SEPTIN14: variants seen among roughly 807,000 people sequenced by gnomAD.
SEPTIN14 encodes the protein septin-14.
Under a neutral mutation model 53.6 loss-of-function variants are expected in SEPTIN14, and 40 were observed. The ratio of observed to expected loss-of-function variants is 0.75; its 90% CI spans 0.58 to 0.97. SEPTIN14 has a LOEUF of 0.97. Among genes scored for constraint, SEPTIN14 ranks in the 50% least tolerant of loss-of-function variants. The pLI is 0.00. For synonymous variants in SEPTIN14, 138 were observed against 166.8 expected, an observed-to-expected ratio of 0.83 and a Z score of 1.33; for missense variants, 471 against 508.2, an observed-to-expected ratio of 0.93 and a Z score of 0.70.
intron 9 of SEPTIN14, among the ~76,000 whole-genome samples, chr7:55,803,827 G>C (rs1386058586): frequency 6.6e-6 from 1 of 151,874 alleles, no homozygotes; most frequent in African/African-American, 2.4e-5. Flanking sequence ...CCTAGTTTTG[G>C]TTTAAGTCTT....
intron 2 of SEPTIN14, among the ~76,000 whole-genome samples, chr7:55,850,154 T>C (rs1789494332): frequency 6.6e-6 from 1 of 152,182 alleles, no homozygotes; most frequent in Admixed American, 6.6e-5. Flanking sequence ...ATGTATTTTA[T>C]GAAACCAGAT....
chr7:55,809,421 T>C (rs896861032), intron 7 of SEPTIN14, among the ~76,000 whole-genome samples: 1 of 149,698 alleles, frequency 6.7e-6, no homozygotes, highest in Non-Finnish European at 1.5e-5. Context: ...AATGGCACGA[T>C]CTCGGCTCAC....
At chr7:55,855,578 C>G (rs1327159418) in intron 2 of SEPTIN14, among the ~76,000 whole-genome samples, 1 of 152,026 alleles carries the variant, frequency 6.6e-6, no homozygotes, top group African/African-American at 2.4e-5. Flanking sequence ...CTTTTTGAGA[C>G]AGAGTGTCGC....
chr7:55,831,845 A>G (rs145985877), intron 6 of SEPTIN14, among the ~76,000 whole-genome samples: 95 of 152,322 alleles, frequency 6.2e-4, no homozygotes, highest in African/African-American at 2.2e-3. Context: ...AAGACATACA[A>G]GTGGCCACCA....
At chr7:55,813,040 C>A (rs1173175098) in intron 7 of SEPTIN14, among the ~76,000 whole-genome samples, 1 of 151,910 alleles carries the variant, frequency 6.6e-6, no homozygotes, top group African/African-American at 2.4e-5. Context: ...ACCTCCACTT[C>A]GCAGGTTCAA....
rs1220079612 is a variant in SEPTIN14, at chr7:55,834,879, T to TCGTGATCCGCCTGCCCC, written c.559-310_559-294dup. On this transcript the variant is annotated intron_variant, in intron 5 of 9. Transcript: ENST00000388975. ...CCAGGATGGTCTCAATCTCCTGACC[T>TCGTGATCCGCCTGCCCC]CGTGATCCGCCTGCCCCGGCCTCCC... Among the ~76,000 whole-genome samples, 8 of 152,224 alleles carry TCGTGATCCGCCTGCCCC rather than the reference T, an allele frequency of 5.3e-5. No homozygotes were observed. In the South Asian group the frequency reaches 8.3e-4, roughly 16 times the overall value.
At chr7:55,799,263 T>C (rs1788483986) in intron 9 of SEPTIN14, among the ~76,000 whole-genome samples, 1 of 150,964 alleles carries the variant, frequency 6.6e-6, no homozygotes, top group Non-Finnish European at 1.5e-5. Flanking sequence ...CCCAGCACTT[T>C]GGGAGGCCAA....
intron 6 of SEPTIN14, among the ~76,000 whole-genome samples, chr7:55,819,450 A>G (rs1214838466): frequency 2.0e-5 from 3 of 152,012 alleles, no homozygotes; most frequent in Admixed American, 1.3e-4. Flanking sequence ...TTAGCCGGGC[A>G]TGGTGGCGGG....
intron 7 of SEPTIN14, among the ~76,000 whole-genome samples, chr7:55,810,068 G>A (rs539060908): frequency 2.6e-5 from 4 of 152,018 alleles, no homozygotes; most frequent in East Asian, 1.9e-4. Context: ...TCCTGACCTC[G>A]TGATCCACCT....
At chr7:55,834,397 C>G in intron 6 of SEPTIN14, 28 bp downstream of exon 6, 2 of 1,569,464 alleles carry the variant, frequency 1.3e-6, no homozygotes, top group Non-Finnish European at 1.7e-6. Flanking sequence ...TTTCTAGCCT[C>G]TTTGTCAGAT....
chr7:55,800,272 A>G (rs1227970813), intron 9 of SEPTIN14, among the ~76,000 whole-genome samples: 1 of 152,210 alleles, frequency 6.6e-6, no homozygotes, highest in Non-Finnish European at 1.5e-5. Context: ...GAAATAAGCC[A>G]GGCACAGAAT....
At chr7:55,844,771 G>T in intron 3 of SEPTIN14, 53 bp from the exon 4 acceptor site, 1 of 924,488 alleles carries the variant, frequency 1.1e-6, no homozygotes, top group Non-Finnish European at 1.5e-6. Context: ...CTAAGAAAAA[G>T]CAACACTTTG....
intron 2 of SEPTIN14, among the ~76,000 whole-genome samples, chr7:55,855,374 G>A (rs1226130915): frequency 1.3e-5 from 2 of 152,030 alleles, no homozygotes; most frequent in African/African-American, 2.4e-5. Flanking sequence ...TTCCAGAATC[G>A]AAGGAGAGAC....
At chr7:55,800,308 C>T (rs1353221456) in intron 9 of SEPTIN14, among the ~76,000 whole-genome samples, 6 of 152,254 alleles carry the variant, frequency 3.9e-5, no homozygotes, top group Non-Finnish European at 8.8e-5. Flanking sequence ...TTCTCACTTA[C>T]TTGTGGGAGC....
chr7:55,825,479 C>T (rs1342241805), intron 6 of SEPTIN14, among the ~76,000 whole-genome samples: 1 of 152,162 alleles, frequency 6.6e-6, no homozygotes, highest in Non-Finnish European at 1.5e-5. Flanking sequence ...ACAATGAAGA[C>T]TGTTGTCAGA....
intron 2 of SEPTIN14, among the ~76,000 whole-genome samples, chr7:55,861,595 A>T (rs996136322): frequency 6.6e-6 from 1 of 152,200 alleles, no homozygotes; most frequent in Admixed American, 6.6e-5. Flanking sequence ...TCATTAAAAA[A>T]TTATTTATTG....
chr7:55,837,109 CT>C (rs36026647), intron 5 of SEPTIN14, among the ~76,000 whole-genome samples: 537 of 140,838 alleles, frequency 3.8e-3, no homozygotes, highest in African/African-American at 4.1e-3. Flanking sequence ...TACTTTTAAC[CT>C]TTTTTTTTTT....
rs548439415 is a variant in SEPTIN14 at position 55,846,308 on chromosome 7, T to C, written c.175+209A>G. ...AGGCGGCTGAGGCTACAGTGAGCCA[T>C]AATCACACCATTGCACTCCAGCCTG... On this transcript the variant is annotated intron_variant, in intron 3 of 9. Coordinates refer to ENST00000388975, the MANE Select transcript of SEPTIN14 (RefSeq NM_207366.3). Among the ~76,000 whole-genome samples, 421 of 149,112 alleles carry C rather than the reference T, an allele frequency of 2.8e-3. 5 individuals carry two copies. The highest frequency in any genetic ancestry group is 0.011 in the Middle Eastern group (3 of 272).
intron 6 of SEPTIN14, among the ~76,000 whole-genome samples, chr7:55,827,796 A>C (rs529553752): frequency 2.6e-5 from 4 of 152,338 alleles, no homozygotes; most frequent in Admixed American, 2.6e-4. Flanking sequence ...GCTCTTACTC[A>C]TAAGTGCCAC....
Sources: gnomAD v4.1 joint callset for allele counts (sites outside exome capture counted in the v4.1 genomes callset) on GRCh38, gnomAD v4.1.1 for gene constraint, MANE v1.5 for transcripts, NCBI Gene and HGNC (gene_info 2026-07-23, HGNC 2026-07-21) for gene names.